The following IHO1 variants were observed in gnomAD, a reference collection of about 807,000 sequenced individuals.
IHO1 encodes interactor of HORMAD1 protein 1.
In IHO1, 13 loss-of-function variants were observed where a neutral mutation model predicts 31.0. The ratio of observed to expected loss-of-function variants is 0.42; its 90% CI spans 0.27 to 0.67. The LOEUF is 0.67. IHO1 is among the 30% of genes least tolerant of loss of function. The pLI is 0.24. For missense variants in IHO1, 599 were observed against 687.5 expected (o/e 0.87, Z 1.44); for synonymous variants, 221 against 248.4 (o/e 0.89, Z 1.04).
At chr3:49,200,670 C>A in intron 1 of IHO1, 1 of 639,422 alleles carries the variant, frequency 1.6e-6, no homozygotes, top group Non-Finnish European at 1.9e-6. Context: ...TCCTTGCATG[C>A]ACTCAACTTT....
chr3:49,223,833 T>G (rs927075281), intron 2 of IHO1, among the ~76,000 whole-genome samples: 27 of 152,184 alleles, frequency 1.8e-4, no homozygotes, highest in African/African-American at 6.5e-4. Flanking sequence ...TTTGTAAAGG[T>G]ATCAACACAG....
chr3:49,215,714 A>G (rs551684054), intron 2 of IHO1, among the ~76,000 whole-genome samples: 48 of 152,304 alleles, frequency 3.2e-4, no homozygotes, highest in Non-Finnish European at 6.2e-4. Context: ...TTTATTTAGC[A>G]GGGAGGAAAT....
chr3:49,201,832 T>G (rs1269911971), intron 1 of IHO1, among the ~76,000 whole-genome samples: 1 of 151,872 alleles, frequency 6.6e-6, no homozygotes, highest in African/African-American at 2.4e-5. Context: ...TTGGGAAGAT[T>G]GCTTGAGCCT....
At chr3:49,210,336 A>G (rs2046193246) in intron 1 of IHO1, among the ~76,000 whole-genome samples, 1 of 151,938 alleles carries the variant, frequency 6.6e-6, no homozygotes, top group Non-Finnish European at 1.5e-5. Flanking sequence ...TCTTGGGCTC[A>G]AGTGATCCTC....
At chr3:49,226,418 C>T (rs184194416) in intron 2 of IHO1, among the ~76,000 whole-genome samples, 10 of 151,864 alleles carry the variant, frequency 6.6e-5, no homozygotes, top group Admixed American at 3.9e-4. Context: ...CCCGTAACCG[C>T]GCGAGGAAGG....
chr3:49,222,596 TTAA>T (rs1326525504), intron 2 of IHO1, among the ~76,000 whole-genome samples: 2 of 152,186 alleles, frequency 1.3e-5, no homozygotes, highest in Non-Finnish European at 2.9e-5. Flanking sequence ...AGTATGCTGC[TTAA>T]TAATATTATG....
chr3:49,191,558 A>G, the IHO1 span: 6 of 709,620 alleles, frequency 8.5e-6, no homozygotes, highest in East Asian at 1.6e-4. Flanking sequence ...AAGGGGGCAA[A>G]GTGTTAGGAA....
intron 4 of IHO1, among the ~76,000 whole-genome samples, chr3:49,243,206 G>A (rs998663223): frequency 1.3e-5 from 2 of 152,024 alleles, no homozygotes; most frequent in African/African-American, 4.8e-5. Flanking sequence ...ATAGTGGCAA[G>A]ATCTTGGCTC....
At chr3:49,241,580 CAGAGAAAGAGGGAGAA>C (rs2046632036) in intron 4 of IHO1, among the ~76,000 whole-genome samples, 191 bp downstream of exon 4, 1 of 151,560 alleles carries the variant, frequency 6.6e-6, no homozygotes, top group Non-Finnish European at 1.5e-5. Context: ...AACAGACACA[CAGAGAAAGAGGGAGAA>C]AGAGAAAGAG....
chr3:49,256,836 A>G lies in IHO1; in HGVS notation c.1339A>G (p.Lys447Glu). 1 of 1,614,248 alleles carries G rather than the reference A, an allele frequency of 6.2e-7. No homozygotes were observed. Among genetic ancestry groups the G allele is most frequent in the Non-Finnish European group, 8.5e-7 (1 of 1,180,036 alleles). ...RGKDKKQQPR[K>E]AHRAHRGRLI... is the part of the protein sequence containing the mutation. ...GAAAGACAAGAAGCAGCAGCCCAGG[A>G]AGGCCCACAGGGCCCACAGAGGCAG... The change falls in exon 8 of 8, where the codon AAG becomes GAG. Residue 447 changes from lysine (K) to glutamate (E), a missense_variant. Transcript: ENST00000452691. The surrounding 1 kb of genome is among the most constrained non-coding windows in gnomAD (Gnocchi z 4.6).
Position 49,256,951 on chromosome 3 carries a change from C to G in IHO1, c.1454C>G (p.Pro485Arg). 1 of 1,614,252 alleles carries G rather than the reference C, an allele frequency of 6.2e-7. No individual in the cohort carries two copies. Among genetic ancestry groups the G allele is most frequent in the Non-Finnish European group, 8.5e-7 (1 of 1,180,044 alleles). ...AGTCCTCAGCCTGCAATTTCTGTCCCTCAAAGCCCCTTCCTGGGGCAGCAG... is the reference window on the plus strand; with the variant it reads ...AGTCCTCAGCCTGCAATTTCTGTCCGTCAAAGCCCCTTCCTGGGGCAGCAG... The part of the protein sequence containing the change: ...YQSPQPAISV[P>R]QSPFLGQQEP... The change falls in exon 8 of 8, where the codon CCT (proline) becomes CGT (arginine). Residue 485 changes from proline to arginine, a missense_variant. Pro to Arg is a moderately radical substitution (Grantham distance 103). Transcript: ENST00000452691. This position sits in a 1 kb window ranked among gnomAD's most constrained non-coding sequence, Gnocchi z 4.6.
chr3:49,250,536 T>C (rs2046748238), intron 6 of IHO1, among the ~76,000 whole-genome samples: 1 of 152,176 alleles, frequency 6.6e-6, no homozygotes, highest in East Asian at 1.9e-4. Flanking sequence ...TAAGAAACAT[T>C]ACTATTTAGG....
At chr3:49,213,813 G>A (rs535614669) in intron 2 of IHO1, 97 of 185,494 alleles carry the variant, frequency 5.2e-4, no homozygotes, top group African/African-American at 1.9e-3. Context: ...GTTTCTGCCC[G>A]TGCCTCTCCA....
chr3:49,192,825 AGATT>A, the IHO1 span, among the ~76,000 whole-genome samples: 33 of 152,240 alleles, frequency 2.2e-4, no homozygotes, highest in East Asian at 6.2e-3. Context: ...GAGCCTGAGG[AGATT>A]GAGGCTGAAG....
chr3:49,221,777 G>T (rs2107700146), intron 2 of IHO1, among the ~76,000 whole-genome samples: 1 of 152,346 alleles, frequency 6.6e-6, no homozygotes, highest in South Asian at 2.1e-4. Flanking sequence ...TGACAAGGAT[G>T]TTAAAACACA....
intron 2 of IHO1, among the ~76,000 whole-genome samples, chr3:49,217,173 A>G (rs1384456295): frequency 6.6e-6 from 1 of 152,220 alleles, no homozygotes; most frequent in East Asian, 1.9e-4. Context: ...ATTAACTGAT[A>G]AAGACACATG....
chr3:49,222,531 G>C (rs1303637216), intron 2 of IHO1, among the ~76,000 whole-genome samples: 1 of 152,270 alleles, frequency 6.6e-6, no homozygotes, highest in African/African-American at 2.4e-5. Flanking sequence ...ATGTGATTAG[G>C]ATTTGCATCC....
chr3:49,248,492 G>A (rs2107736359), intron 6 of IHO1, among the ~76,000 whole-genome samples: 1 of 152,150 alleles, frequency 6.6e-6, no homozygotes, highest in South Asian at 2.1e-4. Context: ...ACTTTGGGAG[G>A]CCGAGGTGGG....
rs143468183 is a variant in IHO1, at chr3:49,216,966, G to A, written c.56+5130G>A. 6.4e-3 allele frequency among the ~76,000 whole-genome samples: 976 copies of A among 152,276 alleles called. 9 individuals are homozygous for A. The highest frequency in any genetic ancestry group is 0.022 in the African/African-American group (923 of 41,550). On this transcript the variant is annotated intron_variant, in intron 2 of 7. Coordinates refer to ENST00000452691, the MANE Select transcript of IHO1 (RefSeq NM_001135197.2). ...ACCATCTCAAGCCAGTTAGAATGGC[G>A]ATCATTAAAAAGTCAGGAAACAACA...
Sources: allele counts gnomAD v4.1 joint callset (sites outside exome capture counted in the v4.1 genomes callset), GRCh38; gene constraint gnomAD v4.1.1; non-coding constraint Gnocchi (gnomAD v3.1); transcripts MANE v1.5; gene names NCBI Gene and HGNC (gene_info 2026-07-23, HGNC 2026-07-21).